The following PRR16 variants were observed in gnomAD, a reference collection of about 807,000 sequenced individuals.
PRR16 encodes the protein protein Largen.
PRR16 carries 6 observed loss-of-function variants against 18.2 expected under a neutral mutation model. The ratio of observed to expected loss-of-function variants is 0.33; its 90% CI spans 0.18 to 0.65. The LOEUF is 0.65. Among genes scored for constraint, PRR16 ranks in the 30% least tolerant of loss-of-function variants. The probability of loss-of-function intolerance (pLI) is 0.74; values close to 1 mark genes in which losing one functional copy is unlikely to be tolerated. For missense variants in PRR16, 412 were observed against 376.6 expected, an observed-to-expected ratio of 1.09 and a Z score of -0.78; for synonymous variants, 151 against 147.8, an observed-to-expected ratio of 1.02 and a Z score of -0.16.
At chr5:120,542,988 A>C (rs1279859611) in intron 1 of PRR16, among the ~76,000 whole-genome samples, 1 of 152,178 alleles carries the variant, frequency 6.6e-6, no homozygotes, top group Non-Finnish European at 1.5e-5. Context: ...GAAGATTCTA[A>C]GTTTTAGAAT....
chr5:120,704,414 A>G, the PRR16 span, among the ~76,000 whole-genome samples: 1 of 152,144 alleles, frequency 6.6e-6, no homozygotes, highest in Admixed American at 6.5e-5. Context: ...GGGTTTCTAT[A>G]TAAGTTTTGT....
chr5:120,513,324 C>A (rs1317088760), intron 1 of PRR16, among the ~76,000 whole-genome samples: 2 of 152,212 alleles, frequency 1.3e-5, no homozygotes, highest in Non-Finnish European at 2.9e-5. Flanking sequence ...CCCTTGCTAA[C>A]TGCCTGCCTC....
intron 1 of PRR16, chr5:120,481,303 G>A (rs1268797080): frequency 2.3e-6 from 1 of 443,210 alleles, no homozygotes; most frequent in Non-Finnish European, 4.5e-6. Flanking sequence ...GGTAAGTTTT[G>A]TATTTTTAGC....
intron 1 of PRR16, among the ~76,000 whole-genome samples, chr5:120,653,543 C>A (rs1284493650): frequency 6.6e-6 from 1 of 151,700 alleles, no homozygotes; most frequent in Non-Finnish European, 1.5e-5. Context: ...CAAAGGTATT[C>A]TAGAAATAAA....
intron 1 of PRR16, among the ~76,000 whole-genome samples, chr5:120,483,632 A>G (rs796430862): frequency 1.1e-4 from 17 of 152,290 alleles, no homozygotes; most frequent in African/African-American, 4.1e-4. Context: ...AATAAATGTC[A>G]GAATGTGTCA....
chr5:120,636,339 A>T (rs1395889431), intron 1 of PRR16, among the ~76,000 whole-genome samples: 1 of 152,230 alleles, frequency 6.6e-6, no homozygotes, highest in African/African-American at 2.4e-5. Flanking sequence ...AAGAAAAAGA[A>T]AACATCTGGA....
chr5:120,481,942 CTTT>C (rs1202834776), intron 1 of PRR16, among the ~76,000 whole-genome samples: 2 of 151,878 alleles, frequency 1.3e-5, no homozygotes, highest in African/African-American at 2.4e-5. Flanking sequence ...ACTAATGGTT[CTTT>C]TTTATTGTTG....
In PRR16 at chr5:120,521,047, G is replaced by A. The variant is rs544248175; in HGVS notation, c.159+56402G>A. Among the ~76,000 whole-genome samples, 581 of 152,202 alleles carry A rather than the reference G, an allele frequency of 3.8e-3. 7 individuals carry two copies. Among genetic ancestry groups the A allele is most frequent in the African/African-American group, 0.013 (528 of 41,522 alleles). ...ATAATTTGAACTGTGTTGTATTTGC[G>A]ACGGTGGATACAGTCAATTCTAGTG... is the stretch of plus-strand genomic sequence containing the variant. On this transcript the variant is annotated intron_variant, in intron 1 of 1. Transcript: ENST00000407149.
chr5:120,688,893 A>G (rs1580885584), downstream of PRR16, among the ~76,000 whole-genome samples: 1 of 152,294 alleles, frequency 6.6e-6, no homozygotes. Context: ...CCTAGAAACA[A>G]TCTCAGTGTT....
At chr5:120,771,243 G>C in the PRR16 span, among the ~76,000 whole-genome samples, 2 of 151,922 alleles carry the variant, frequency 1.3e-5, no homozygotes, top group South Asian at 4.1e-4. Context: ...TGTGCTTTCT[G>C]GTTATGGACT....
intron 1 of PRR16, among the ~76,000 whole-genome samples, chr5:120,607,310 A>G (rs1326572140): frequency 6.6e-6 from 1 of 152,050 alleles, no homozygotes; most frequent in East Asian, 1.9e-4. Flanking sequence ...TTTGTTTTTT[A>G]TATACTCTGT....
the PRR16 span, among the ~76,000 whole-genome samples, chr5:120,750,182 G>C: frequency 1.3e-5 from 2 of 151,864 alleles, no homozygotes; most frequent in Non-Finnish European, 2.9e-5. Flanking sequence ...TGGTAAAAGA[G>C]CTTCTTGAAA....
At chr5:120,581,164 G>A (rs1483148805) in intron 1 of PRR16, among the ~76,000 whole-genome samples, 1 of 152,050 alleles carries the variant, frequency 6.6e-6, no homozygotes, top group African/African-American at 2.4e-5. Context: ...GCTTTTTTTG[G>A]TTGGTAGGCT....
chr5:120,720,047 G>A, the PRR16 span, among the ~76,000 whole-genome samples: 1 of 151,962 alleles, frequency 6.6e-6, no homozygotes, highest in African/African-American at 2.4e-5. Flanking sequence ...GCCCAAAGTA[G>A]AGCACACATT....
intron 1 of PRR16, among the ~76,000 whole-genome samples, chr5:120,622,995 T>A (rs1754740739): frequency 6.6e-6 from 1 of 152,122 alleles, no homozygotes; most frequent in South Asian, 2.1e-4. Context: ...GTCTTGGAAT[T>A]AGGGATTAAT....
At chr5:120,606,085 T>A (rs1024838853) in intron 1 of PRR16, among the ~76,000 whole-genome samples, 1 of 152,190 alleles carries the variant, frequency 6.6e-6, no homozygotes, top group Non-Finnish European at 1.5e-5. Flanking sequence ...GTGGGGCATG[T>A]GCATGCTGCA....
the PRR16 span, among the ~76,000 whole-genome samples, chr5:120,729,141 A>G: frequency 1.3e-5 from 2 of 152,128 alleles, no homozygotes; most frequent in Non-Finnish European, 2.9e-5. Context: ...GCTTCACAAA[A>G]TTTAGTAGAA....
At chr5:120,625,726 C>T (rs1466252) in intron 1 of PRR16, among the ~76,000 whole-genome samples, 149,786 of 152,242 alleles carry the variant, frequency 0.98, 73,717 homozygotes, top group East Asian at 1. Flanking sequence ...GAGGTTTGCA[C>T]CTCTTAGTAG....
At chr5:120,716,111 TGAG>T in the PRR16 span, among the ~76,000 whole-genome samples, 1 of 152,184 alleles carries the variant, frequency 6.6e-6, no homozygotes, top group Non-Finnish European at 1.5e-5. Flanking sequence ...TTCTCCAACA[TGAG>T]GAAATGTTCT....
Sources: gnomAD v4.1 joint callset for allele counts (sites outside exome capture counted in the v4.1 genomes callset) on GRCh38, gnomAD v4.1.1 for gene constraint, MANE v1.5 for transcripts, NCBI Gene and HGNC (gene_info 2026-07-23, HGNC 2026-07-21) for gene names.